Variants in SORCS1 observed in about 807,000 individuals in gnomAD.
SORCS1 encodes VPS10 domain-containing receptor SorCS1.
In SORCS1, 60 loss-of-function variants were observed where a neutral mutation model predicts 146.1. The ratio of observed to expected loss-of-function variants is 0.41; its 90% CI spans 0.33 to 0.51. The LOEUF (loss-of-function observed/expected upper bound fraction) is 0.51, where lower values mean the gene tolerates loss of function less well. Ranked by LOEUF, SORCS1 falls within the 20% of genes least tolerant of loss-of-function variation. The probability of loss-of-function intolerance (pLI) is 0.21; values close to 1 mark genes in which losing one functional copy is unlikely to be tolerated. For synonymous variants in SORCS1, 637 were observed against 584.0 expected (o/e 1.09, Z -1.31); for missense variants, 1,352 against 1,487.6 (o/e 0.91, Z 1.50).
intron 1 of SORCS1, among the ~76,000 whole-genome samples, chr10:106,984,298 G>A (rs1329557633): frequency 2.6e-5 from 4 of 151,992 alleles, no homozygotes; most frequent in Admixed American, 2.6e-4. Context: ...TACTCACAAG[G>A]AAATTGCCCA....
At position 106,815,032 on chromosome 10, in the gene SORCS1, T is replaced by C. The variant is rs1947667130; in HGVS notation, c.726+14542A>G. Among the ~76,000 whole-genome samples the C allele has an allele frequency of 2.6e-5, 4 of 151,552 alleles. No homozygotes were observed. In the South Asian group the frequency reaches 8.4e-4, roughly 32 times the overall value. On this transcript the variant is annotated intron_variant, in intron 3 of 25. Coordinates refer to ENST00000263054, the MANE Select transcript of SORCS1 (RefSeq NM_052918.5). ...TGGAGTGCAGTGGCATGACTTCGGC[T>C]CCCTGCAACCTCCACCTCCTGGCTT... is the stretch of plus-strand genomic sequence containing the variant.
At chr10:107,014,107 C>T (rs1957793053) in intron 1 of SORCS1, among the ~76,000 whole-genome samples, 1 of 151,876 alleles carries the variant, frequency 6.6e-6, no homozygotes, top group Admixed American at 6.6e-5. Flanking sequence ...ACAAAATTAG[C>T]TGGGTGTGGT....
intron 8 of SORCS1, among the ~76,000 whole-genome samples, chr10:106,703,733 C>A (rs144760413): frequency 6.6e-6 from 1 of 152,186 alleles, no homozygotes; most frequent in Non-Finnish European, 1.5e-5. Flanking sequence ...TTGCACCAGC[C>A]CTGACAGGCC....
Position 106,719,494 on chromosome 10 carries a change from C to T in SORCS1, c.1025-10153G>A, listed in dbSNP as rs145518393. Among the ~76,000 whole-genome samples, 272 of 151,848 alleles carry T rather than the reference C, an allele frequency of 1.8e-3. 2 individuals are homozygous for T. Among genetic ancestry groups the T allele is most frequent in the African/African-American group, 6.3e-3 (260 of 41,366 alleles). On this transcript the variant is annotated intron_variant, in intron 6 of 25. Coordinates refer to ENST00000263054, the MANE Select transcript of SORCS1 (RefSeq NM_052918.5). ...GTGGCACCATCTTGGCTCACTGCAACCTCCGTCTCCCAGGTTCAAGCGATT... is the reference window on the plus strand; with the variant it reads ...GTGGCACCATCTTGGCTCACTGCAATCTCCGTCTCCCAGGTTCAAGCGATT...
rs1038026380 is a variant in SORCS1 at position 106,759,853 on chromosome 10, T to C, written c.959+1735A>G. ...AGGCATAAGATTTACCTCCAATCTA[T>C]ATTTTTAGAGCAAAATGATATGTAG... On this transcript the variant is annotated intron_variant, in intron 5 of 25. Coordinates refer to ENST00000263054, the MANE Select transcript of SORCS1 (RefSeq NM_052918.5). 5.9e-4 allele frequency among the ~76,000 whole-genome samples: 90 copies of C among 152,174 alleles called. 3 individuals are homozygous for C. Among genetic ancestry groups the C allele is most frequent in the Admixed American group, 5.8e-3 (89 of 15,282 alleles).
intron 2 of SORCS1, among the ~76,000 whole-genome samples, chr10:106,888,297 T>G (rs1951085911): frequency 6.6e-6 from 1 of 152,226 alleles, no homozygotes; most frequent in African/African-American, 2.4e-5. Flanking sequence ...TCAAACTGAC[T>G]GAGGCTGCTC....
intron 2 of SORCS1, among the ~76,000 whole-genome samples, chr10:106,951,821 T>C (rs822097): frequency 0.17 from 25,620 of 152,058 alleles, 3,022 homozygotes; most frequent in East Asian, 0.38. Context: ...GAGGTCATAG[T>C]CCCCAATTTT....
intron 1 of SORCS1, among the ~76,000 whole-genome samples, chr10:107,042,004 C>T (rs746874515): frequency 2.0e-5 from 3 of 152,134 alleles, no homozygotes; most frequent in Admixed American, 2.0e-4. Context: ...ATAAAGATTT[C>T]ATTAACCTTA....
chr10:106,667,548 A>G (rs947450156), intron 17 of SORCS1, 141 bp downstream of exon 17: 3 of 581,272 alleles, frequency 5.2e-6, no homozygotes, highest in Non-Finnish European at 9.3e-6. Flanking sequence ...GTTGTGCTTC[A>G]TTGTTAAAAT....
At chr10:106,736,114 TCAGCCAAATG>T (rs1279118257) in intron 5 of SORCS1, among the ~76,000 whole-genome samples, 1 of 152,154 alleles carries the variant, frequency 6.6e-6, no homozygotes, top group Non-Finnish European at 1.5e-5. Flanking sequence ...TGAAATACAA[TCAGCCAAATG>T]CAGCCTTTGT....
At chr10:107,078,377 G>A (rs966136521) in intron 1 of SORCS1, among the ~76,000 whole-genome samples, 1 of 152,182 alleles carries the variant, frequency 6.6e-6, no homozygotes, top group Non-Finnish European at 1.5e-5. Context: ...TTCAAAATAA[G>A]ATTAGAAATG....
intron 18 of SORCS1, among the ~76,000 whole-genome samples, chr10:106,636,664 C>T (rs79741203): frequency 3.3e-5 from 5 of 152,154 alleles, no homozygotes; most frequent in Admixed American, 2.6e-4. Context: ...AATCACCTCC[C>T]ACCAGGTCCT....
chr10:106,866,052 G>A (rs1223278439), intron 2 of SORCS1, among the ~76,000 whole-genome samples: 5 of 147,932 alleles, frequency 3.4e-5, no homozygotes, highest in African/African-American at 9.9e-5. Flanking sequence ...AAAAAAAGTC[G>A]CCAGACTATG....
At chr10:106,678,720 A>T (rs1437298116) in intron 12 of SORCS1, among the ~76,000 whole-genome samples, 1 of 152,214 alleles carries the variant, frequency 6.6e-6, no homozygotes, top group Admixed American at 6.5e-5. Context: ...ACACTGGTTT[A>T]AAGTATTCCA....
chr10:106,887,064 G>A (rs1048463783), intron 2 of SORCS1, among the ~76,000 whole-genome samples: 5 of 152,156 alleles, frequency 3.3e-5, no homozygotes, highest in African/African-American at 1.2e-4. Context: ...CTTACCAACA[G>A]ATTCATAAAC....
At chr10:107,131,261 T>G (rs914485061) in intron 1 of SORCS1, among the ~76,000 whole-genome samples, 4 of 152,210 alleles carry the variant, frequency 2.6e-5, no homozygotes, top group Admixed American at 6.5e-5. Flanking sequence ...GACTTAGATC[T>G]TTCACATCAC....
At chr10:106,607,369 G>C in intron 22 of SORCS1, 72 bp from the exon 23 acceptor site, 1 of 1,569,926 alleles carries the variant, frequency 6.4e-7, no homozygotes, top group South Asian at 1.2e-5. Flanking sequence ...AGTATTTGGT[G>C]GGGGGATCAG....
chr10:106,980,946 C>G (rs1418219361), intron 1 of SORCS1, among the ~76,000 whole-genome samples: 1 of 150,488 alleles, frequency 6.6e-6, no homozygotes, highest in Non-Finnish European at 1.5e-5. Context: ...TTCGTTTAAG[C>G]TTGATTCCTT....
At chr10:107,025,203 C>T (rs998039006) in intron 1 of SORCS1, among the ~76,000 whole-genome samples, 1 of 152,166 alleles carries the variant, frequency 6.6e-6, no homozygotes, top group Admixed American at 6.5e-5. Context: ...AAACCTTTAA[C>T]CCTGCAAATG....
Sources: gnomAD v4.1 joint callset for allele counts (sites outside exome capture counted in the v4.1 genomes callset) on GRCh38, gnomAD v4.1.1 for gene constraint, MANE v1.5 for transcripts, NCBI Gene and HGNC (gene_info 2026-07-23, HGNC 2026-07-21) for gene names.